The following KATNA1 variants were observed in gnomAD, a reference collection of about 807,000 sequenced individuals.
KATNA1 encodes the protein katanin p60 ATPase-containing subunit A1.
A neutral mutation model predicts 62.6 loss-of-function variants in KATNA1; 42 were observed. That is an observed-to-expected ratio of 0.67 (90% CI 0.52 to 0.87). KATNA1 has a LOEUF of 0.87. Ranked by LOEUF, KATNA1 falls within the 40% of genes least tolerant of loss-of-function variation. The pLI is 0.00. For synonymous variants in KATNA1, 186 were observed against 201.9 expected, an observed-to-expected ratio of 0.92 and a Z score of 0.67; for missense variants, 498 against 612.5, an observed-to-expected ratio of 0.81 and a Z score of 1.97.
At chr6:149,622,164 G>A (rs1048931930) in intron 4 of KATNA1, among the ~76,000 whole-genome samples, 2 of 148,216 alleles carry the variant, frequency 1.3e-5, no homozygotes, top group South Asian at 2.1e-4. Context: ...ACGGAGTCTC[G>A]CTCTGTCGCC....
At chr6:149,647,604 G>A (rs1242692222) in intron 1 of KATNA1, among the ~76,000 whole-genome samples, 2 of 148,326 alleles carry the variant, frequency 1.3e-5, no homozygotes, top group African/African-American at 5.0e-5. Flanking sequence ...AGACATTTAA[G>A]CCCGTAAAAA....
At chr6:149,647,538 A>AG (rs903141407) in intron 1 of KATNA1, among the ~76,000 whole-genome samples, 6 of 151,248 alleles carry the variant, frequency 4.0e-5, no homozygotes. Flanking sequence ...AAAAAAAAAA[A>AG]AAAAAAAAAG....
intron 3 of KATNA1, among the ~76,000 whole-genome samples, chr6:149,625,108 G>A (rs186748173): frequency 1.1e-4 from 16 of 152,008 alleles, no homozygotes; most frequent in South Asian, 6.2e-4. Flanking sequence ...GAAATGGTTC[G>A]GTCCATAGAA....
chr6:149,629,388 T>C (rs1779749545), intron 3 of KATNA1, among the ~76,000 whole-genome samples: 1 of 152,150 alleles, frequency 6.6e-6, no homozygotes, highest in African/African-American at 2.4e-5. Flanking sequence ...GGCTGTCTGC[T>C]CAGGAAGAGA....
intron 1 of KATNA1, among the ~76,000 whole-genome samples, chr6:149,647,514 T>C (rs1582820368): frequency 1.2e-5 from 1 of 86,054 alleles, no homozygotes; most frequent in Non-Finnish European, 2.0e-5. Flanking sequence ...AGAGCAAGAC[T>C]CCGTCTCAAA....
intron 4 of KATNA1, among the ~76,000 whole-genome samples, chr6:149,609,517 T>C (rs1277546345): frequency 1.3e-5 from 2 of 151,976 alleles, no homozygotes; most frequent in Non-Finnish European, 2.9e-5. Flanking sequence ...AATAAGATCC[T>C]GTCTCGGCCA....
chr6:149,622,282 G>A (rs978007614), intron 4 of KATNA1, among the ~76,000 whole-genome samples: 14 of 151,992 alleles, frequency 9.2e-5, no homozygotes, highest in Non-Finnish European at 2.1e-4. Flanking sequence ...ACAGGCGCCC[G>A]CCACCACGGC....
At chr6:149,617,454 T>G (rs771750583) in intron 4 of KATNA1, among the ~76,000 whole-genome samples, 1 of 152,214 alleles carries the variant, frequency 6.6e-6, no homozygotes, top group African/African-American at 2.4e-5. Flanking sequence ...ATTACAAAAA[T>G]GAAATACTTA....
At chr6:149,622,284 C>T (rs1779430546) in intron 4 of KATNA1, among the ~76,000 whole-genome samples, 1 of 152,092 alleles carries the variant, frequency 6.6e-6, no homozygotes, top group Admixed American at 6.6e-5. Context: ...AGGCGCCCGC[C>T]ACCACGGCTA....
chr6:149,628,677 G>A (rs1030965563), intron 3 of KATNA1, among the ~76,000 whole-genome samples: 6 of 150,804 alleles, frequency 4.0e-5, no homozygotes, highest in East Asian at 2.0e-4. Flanking sequence ...AAAATTAGCC[G>A]GGCATGGTGG....
At chr6:149,608,817 G>A (rs1778837970) in intron 4 of KATNA1, among the ~76,000 whole-genome samples, 1 of 152,174 alleles carries the variant, frequency 6.6e-6, no homozygotes, top group African/African-American at 2.4e-5. Context: ...GCAGTAATGA[G>A]AAGGCCTCTG....
intron 2 of KATNA1, among the ~76,000 whole-genome samples, chr6:149,635,159 C>T (rs1235708862): frequency 3.9e-5 from 6 of 151,992 alleles, no homozygotes; most frequent in Non-Finnish European, 8.8e-5. Flanking sequence ...GTGCCTGTGG[C>T]CCCAGCTACT....
At chr6:149,624,061 C>A (rs1421425051) in intron 3 of KATNA1, among the ~76,000 whole-genome samples, 1 of 152,020 alleles carries the variant, frequency 6.6e-6, no homozygotes. Context: ...TTCTGGGGAC[C>A]AGAAGTGTTT....
chr6:149,633,100 ATTTTTTTTT>A (rs368739065), intron 2 of KATNA1, among the ~76,000 whole-genome samples, 184 bp from the exon 3 acceptor site: 101 of 120,738 alleles, frequency 8.4e-4, no homozygotes, highest in African/African-American at 3.1e-3. Flanking sequence ...TTCAATTGCA[ATTTTTTTTT>A]TTTTTTTTTT....
At chr6:149,603,236 C>CTT in intron 6 of KATNA1, 32 bp downstream of exon 6, 4 of 918,234 alleles carry the variant, frequency 4.4e-6, no homozygotes, top group Non-Finnish European at 6.9e-6. Context: ...CTGCCATTTA[C>CTT]TTTGACAATG....
intron 7 of KATNA1, among the ~76,000 whole-genome samples, chr6:149,599,847 G>T (rs1177259713): frequency 6.6e-6 from 1 of 152,050 alleles, no homozygotes; most frequent in Non-Finnish European, 1.5e-5. Flanking sequence ...TACTTCAAAA[G>T]AGGCTAACTT....
chr6:149,595,014 C>T lies in KATNA1; in HGVS notation c.*22G>A, dbSNP rs1273848733. On this transcript the variant is annotated 3_prime_UTR_variant, in exon 11 of 11. Coordinates refer to ENST00000367411, the MANE Select transcript of KATNA1 (RefSeq NM_007044.4). ...ATATTCAAACACTTAAGGCACATTTCTCACAGTTTACATGTGAGAATTTAG... is the reference window on the plus strand; with the variant it reads ...ATATTCAAACACTTAAGGCACATTTTTCACAGTTTACATGTGAGAATTTAG... 6.3e-7 allele frequency: 1 copy of T among 1,588,794 alleles called. No individual in the cohort carries two copies. The highest frequency in any genetic ancestry group is 8.6e-7 in the Non-Finnish European group (1 of 1,157,708).
rs1330377587 is a variant in KATNA1, at chr6:149,603,332, T to C, written c.665A>G (p.Lys222Arg). The change falls in exon 6 of 11, where the codon AAG (lysine) becomes AGG (arginine). Residue 222 changes from lysine to arginine, a missense_variant. Lys to Arg is a conservative substitution (Grantham distance 26). Transcript: ENST00000367411. Reference protein sequence around the residue: ...ADLVEAKKLLKEAVVLPMWMP... With the variant: ...ADLVEAKKLLREAVVLPMWMP... ...CCACATTGGTAACACTACGGCTTCC[T>C]TAAGCAACTTTTTAGCTTCTACTAA... 1.2e-6 allele frequency: 2 copies of C among 1,601,500 alleles called. No individual in the cohort carries two copies. Among genetic ancestry groups the C allele is most frequent in the East Asian group, 2.2e-5 (1 of 44,526 alleles).
chr6:149,617,836 T>C (rs2115111974), intron 4 of KATNA1, among the ~76,000 whole-genome samples: 1 of 151,932 alleles, frequency 6.6e-6, no homozygotes, highest in Admixed American at 6.6e-5. Context: ...CTTGGGAGTC[T>C]GAGGCAGGAG....
Sources: gnomAD v4.1 joint callset for allele counts (sites outside exome capture counted in the v4.1 genomes callset) on GRCh38, gnomAD v4.1.1 for gene constraint, MANE v1.5 for transcripts, NCBI Gene and HGNC (gene_info 2026-07-23, HGNC 2026-07-21) for gene names.